Variants in GAD1 observed in about 807,000 individuals in gnomAD.
GAD1 encodes glutamate decarboxylase 1, also known as 67 kDa glutamic acid decarboxylase.
In GAD1, 35 loss-of-function variants were observed where a neutral mutation model predicts 75.2. The ratio of observed to expected loss-of-function variants is 0.47; its 90% confidence interval spans 0.36 to 0.62. The LOEUF (loss-of-function observed/expected upper bound fraction) is 0.62, where lower values mean the gene tolerates loss of function less well. Among genes scored for constraint, GAD1 ranks in the 20% least tolerant of loss-of-function variants. The pLI is 0.00. For synonymous variants in GAD1, 257 were observed against 271.9 expected, an observed-to-expected ratio of 0.95 and a Z score of 0.54; for missense variants, 490 against 758.5, an observed-to-expected ratio of 0.65 and a Z score of 4.16.
chr2:170,848,619 A>T, intron 11 of GAD1: 1 of 491,908 alleles, frequency 2.0e-6, no homozygotes, highest in South Asian at 1.5e-5. Flanking sequence ...AACACAAAAG[A>T]TGCATTTTCA....
At chr2:170,824,330 G>C (rs961678114) in intron 3 of GAD1, among the ~76,000 whole-genome samples, 7 of 151,974 alleles carry the variant, frequency 4.6e-5, no homozygotes, top group Non-Finnish European at 7.4e-5. Context: ...AGTGGAGGCA[G>C]AGTGCAGTCT....
intron 14 of GAD1, among the ~76,000 whole-genome samples, chr2:170,855,253 G>T (rs1045870003): frequency 1.2e-4 from 17 of 147,216 alleles, no homozygotes; most frequent in African/African-American, 4.3e-4. Context: ...CTGTTGCCCA[G>T]GCTGGAGTTC....
At chr2:170,855,295 G>A (rs893374334) in intron 14 of GAD1, among the ~76,000 whole-genome samples, 12 of 147,944 alleles carry the variant, frequency 8.1e-5, no homozygotes, top group Admixed American at 2.7e-4. Flanking sequence ...TGCAACCTCC[G>A]TCTCCCAGAT....
chr2:170,852,799 A>C lies in GAD1; in HGVS notation c.1263+7A>C, dbSNP rs775132289. 3.1e-6 allele frequency: 5 copies of C among 1,612,998 alleles called. No homozygotes were observed. The African/African-American group carries it at 5.3e-5, about 17-fold the overall frequency. The stretch of plus-strand genomic sequence containing the variant: ...CATTCTCGTCAAGGAAAAGGTCTGT[A>C]CTCCCTCCAAAGCTACACTGGGGCC... On this transcript the variant is annotated splice_region_variant and intron_variant, in intron 13 of 16. Transcript: ENST00000358196.
Position 170,822,088 on chromosome 2 carries a change from G to C in GAD1, c.84G>C (p.Thr28=), listed in dbSNP as rs566509021. The C allele has an allele frequency of 1.1e-5, 18 of 1,609,072 alleles. 1 individual carries two copies. The South Asian group carries it at 1.7e-4, about 15-fold the overall frequency. Residue 28 remains threonine (T), a splice_region_variant and synonymous_variant, in exon 3 of 17, where the codon ACG becomes ACC. Coordinates refer to ENST00000358196, the MANE Select transcript of GAD1 (RefSeq NM_000817.3). Reference sequence around the variant, plus strand: ...CTCTCTCCCTCTCTCTCGTCCTAGCGTACGATACCTGGTGCGGCGTGGCCC... The same window carrying C: ...CTCTCTCCCTCTCTCTCGTCCTAGCCTACGATACCTGGTGCGGCGTGGCCC... ...DPNTTNLRPT[T]YDTWCGVAHG... is the part of the protein sequence containing the mutation.
intron 5 of GAD1, among the ~76,000 whole-genome samples, chr2:170,831,736 TAATA>T (rs1371923452): frequency 1.2e-4 from 18 of 144,628 alleles, no homozygotes; most frequent in African/African-American, 3.0e-4. Context: ...AAATTATAAA[TAATA>T]AATATAAAAA....
chr2:170,821,219 G>T (rs914115148), intron 2 of GAD1, among the ~76,000 whole-genome samples: 5 of 152,194 alleles, frequency 3.3e-5, no homozygotes, highest in Non-Finnish European at 7.3e-5. Flanking sequence ...CCGCTTGGGG[G>T]CTTAGTGGGG....
At chr2:170,832,010 A>G (rs1702244719) in intron 5 of GAD1, among the ~76,000 whole-genome samples, 2 of 152,028 alleles carry the variant, frequency 1.3e-5, no homozygotes, top group Admixed American at 1.3e-4. Context: ...TTCACAACCT[A>G]AAGAGAGCAG....
chr2:170,857,993 T>C (rs2105814676), intron 15 of GAD1, among the ~76,000 whole-genome samples: 1 of 152,324 alleles, frequency 6.6e-6, no homozygotes, highest in Middle Eastern at 3.4e-3. Flanking sequence ...GTCAACATTA[T>C]TCTATTTATC....
At chr2:170,838,309 A>G (rs1702422170) in intron 6 of GAD1, among the ~76,000 whole-genome samples, 1 of 152,252 alleles carries the variant, frequency 6.6e-6, no homozygotes, top group African/African-American at 2.4e-5. Flanking sequence ...TTGAACAAAA[A>G]GCTCCATTTA....
intron 3 of GAD1, among the ~76,000 whole-genome samples, chr2:170,822,617 C>G: frequency 6.6e-6 from 1 of 152,238 alleles, no homozygotes; most frequent in Admixed American, 6.5e-5. Context: ...CTCCCCCATC[C>G]CCTACATCAT....
chr2:170,839,429 C>T (rs1445673185), intron 6 of GAD1, among the ~76,000 whole-genome samples: 3 of 151,932 alleles, frequency 2.0e-5, no homozygotes, highest in African/African-American at 7.3e-5. Flanking sequence ...GCCTGGCCAA[C>T]ATGGTGAAAC....
rs1166750691 is a variant in GAD1, at chr2:170,845,588, T to G, written c.834T>G (p.Ala278=). 5.6e-6 allele frequency: 9 copies of G among 1,614,074 alleles called. No individual in the cohort carries two copies. The highest frequency in any genetic ancestry group is 1.3e-5 in the African/African-American group (1 of 74,930). ...FPEVKTKGMA[A]VPKLVLFTSE... ...AAGTTAAGACAAAGGGCATGGCGGC[T>G]GTGCCTAAACTGGTCCTCTTCACCT... Residue 278 remains alanine, a synonymous_variant, in exon 8 of 17, where the codon GCT becomes GCG. Transcript: ENST00000358196.
chr2:170,816,176 G>A (rs1002535596), upstream of GAD1: 1 of 152,364 alleles, frequency 6.6e-6, no homozygotes, highest in Non-Finnish European at 1.5e-5. Context: ...TCACCAAGGG[G>A]GCCAAAGCGA....
intron 3 of GAD1, among the ~76,000 whole-genome samples, chr2:170,826,567 C>A (rs1358698696): frequency 3.0e-3 from 329 of 110,638 alleles, no homozygotes; most frequent in Admixed American, 4.1e-3. Context: ...GACTCCGTCT[C>A]AAAAAAAAAA....
intron 5 of GAD1, among the ~76,000 whole-genome samples, chr2:170,832,329 T>C (rs567662466): frequency 1.3e-5 from 2 of 152,286 alleles, no homozygotes; most frequent in African/African-American, 4.8e-5. Flanking sequence ...GGATATTCCT[T>C]GGCATTTGTT....
At chr2:170,813,516 C>T (rs1341059460), upstream of GAD1, 1 of 152,510 alleles carries the variant, frequency 6.6e-6, no homozygotes, top group Non-Finnish European at 1.5e-5. Flanking sequence ...AATACCATGG[C>T]TCTAAATTAC....
At chr2:170,846,534 G>A (rs1702637265) in intron 10 of GAD1, among the ~76,000 whole-genome samples, 1 of 152,236 alleles carries the variant, frequency 6.6e-6, no homozygotes, top group South Asian at 2.1e-4. Flanking sequence ...TCACAGAACA[G>A]ATGTATCCAC....
intron 3 of GAD1, among the ~76,000 whole-genome samples, chr2:170,827,865 C>CT (rs931093106): frequency 5.9e-5 from 9 of 152,202 alleles, no homozygotes; most frequent in African/African-American, 2.2e-4. Flanking sequence ...AAGATTGAAG[C>CT]TTTTTTTTGT....
Sources: gnomAD v4.1 joint callset for allele counts (sites outside exome capture counted in the v4.1 genomes callset) on GRCh38, gnomAD v4.1.1 for gene constraint, MANE v1.5 for transcripts, NCBI Gene and HGNC (gene_info 2026-07-23, HGNC 2026-07-21) for gene names.